Variants in LNX1 observed in about 807,000 individuals in gnomAD.
LNX1 encodes the protein E3 ubiquitin-protein ligase LNX.
LNX1 carries 54 observed loss-of-function variants against 68.4 expected under a neutral mutation model. That is an observed-to-expected ratio of 0.79 (90% confidence interval 0.63 to 0.99). The LOEUF (loss-of-function observed/expected upper bound fraction) is 0.99, where lower values mean the gene tolerates loss of function less well. Ranked by LOEUF, LNX1 falls within the 50% of genes least tolerant of loss-of-function variation. The probability of loss-of-function intolerance (pLI) is 0.00; values close to 1 mark genes in which losing one functional copy is unlikely to be tolerated. For synonymous variants in LNX1, 336 were observed against 350.0 expected, an observed-to-expected ratio of 0.96 and a Z score of 0.45; for missense variants, 906 against 926.4, an observed-to-expected ratio of 0.98 and a Z score of 0.29.
chr4:53,637,677 G>C (rs1293676602), intron 1 of LNX1, among the ~76,000 whole-genome samples: 1 of 151,958 alleles, frequency 6.6e-6, no homozygotes, highest in Non-Finnish European at 1.5e-5. Context: ...AAAGAAAACA[G>C]AATACTGCCA....
At chr4:53,507,628 A>T (rs1269658036) in intron 3 of LNX1, among the ~76,000 whole-genome samples, 159 bp from the exon 4 acceptor site, 1 of 152,214 alleles carries the variant, frequency 6.6e-6, no homozygotes, top group Non-Finnish European at 1.5e-5. Context: ...AGTTTTCTAC[A>T]GTGAAATATG....
intron 1 of LNX1, among the ~76,000 whole-genome samples, chr4:53,639,798 G>A (rs1734609422): frequency 6.6e-6 from 1 of 152,194 alleles, no homozygotes; most frequent in Admixed American, 6.5e-5. Context: ...TTGGGAGGCC[G>A]AGGCGGGTGG....
intron 2 of LNX1, among the ~76,000 whole-genome samples, chr4:53,541,500 A>C (rs1728763890): frequency 6.6e-6 from 1 of 152,202 alleles, no homozygotes; most frequent in Non-Finnish European, 1.5e-5. Flanking sequence ...AAAGAGACTT[A>C]GAGTTCATGA....
At chr4:53,500,651 TA>T in intron 4 of LNX1, 1 of 152,238 alleles carries the variant, frequency 6.6e-6, no homozygotes, top group Non-Finnish European at 1.5e-5. Context: ...CGAGATGTTG[TA>T]AATGTGGGTC....
At chr4:53,591,313 C>G (rs1003915840) in intron 1 of LNX1, 75 bp downstream of exon 1, 1 of 894,846 alleles carries the variant, frequency 1.1e-6, no homozygotes, top group African/African-American at 1.8e-5. Context: ...TTTTTTCATT[C>G]AAATTCCGTG....
intron 9 of LNX1, among the ~76,000 whole-genome samples, chr4:53,470,286 A>C (rs954867159): frequency 7.2e-5 from 11 of 152,278 alleles, no homozygotes; most frequent in African/African-American, 2.2e-4. Context: ...GACAAAATTC[A>C]ACAACCTTCA....
intron 9 of LNX1, among the ~76,000 whole-genome samples, chr4:53,465,485 T>C (rs1722608620): frequency 6.6e-6 from 1 of 152,182 alleles, no homozygotes; most frequent in African/African-American, 2.4e-5. Flanking sequence ...GGAGGCACTG[T>C]ATTAAGTTAC....
chr4:53,529,483 G>A (rs1489677504), intron 2 of LNX1, among the ~76,000 whole-genome samples: 2 of 152,176 alleles, frequency 1.3e-5, no homozygotes, highest in African/African-American at 2.4e-5. Context: ...ATAAGACTGC[G>A]ATGCCTTGGA....
chr4:53,529,692 C>T (rs1187020432), intron 2 of LNX1, among the ~76,000 whole-genome samples: 2 of 152,166 alleles, frequency 1.3e-5, no homozygotes, highest in East Asian at 3.9e-4. Flanking sequence ...AGGAGGTGTA[C>T]AAGCTACCAC....
intron 1 of LNX1, among the ~76,000 whole-genome samples, chr4:53,590,491 G>C (rs962276818): frequency 1.0e-4 from 13 of 123,848 alleles, no homozygotes; most frequent in Admixed American, 1.0e-3. Flanking sequence ...ATTGGCTAAA[G>C]AGTTTGACTA....
chr4:53,604,447 G>C (rs576360935), intron 2 of LNX1, among the ~76,000 whole-genome samples: 2 of 152,218 alleles, frequency 1.3e-5, no homozygotes, highest in Non-Finnish European at 2.9e-5. Context: ...ATAAAAAGCA[G>C]AACTGGCAGA....
chr4:53,649,515 A>G (rs1015563450), intron 1 of LNX1, among the ~76,000 whole-genome samples: 1 of 152,194 alleles, frequency 6.6e-6, no homozygotes. Flanking sequence ...ATCCAGCACC[A>G]CTGGCTCATC....
intron 2 of LNX1, chr4:53,524,288 C>A (rs1316196613): frequency 6.6e-6 from 1 of 152,064 alleles, no homozygotes; most frequent in Non-Finnish European, 1.5e-5. Context: ...ATGGAGGTTT[C>A]CTGTCCTAGA....
In LNX1 at chr4:53,507,397, C is replaced by T. The variant is rs746770361; in HGVS notation, c.695G>A (p.Arg232Gln). 10 of 1,614,106 alleles carry T rather than the reference C, an allele frequency of 6.2e-6. No homozygotes were observed. The Middle Eastern group carries it at 6.6e-4, about 107-fold the overall frequency. Residue 232 changes from arginine to glutamine, a missense_variant, in exon 4 of 11, where the codon CGA becomes CAA. Physicochemically the swap from Arg to Gln is conservative, Grantham distance 43. Coordinates refer to ENST00000263925, the MANE Select transcript of LNX1 (RefSeq NM_001126328.3). ...KKINRALSVLRRTKSGSAVAN... is the reference protein window; with the variant it reads ...KKINRALSVLQRTKSGSAVAN... ...AACTGCACTCCCGCTCTTTGTCCTTCGAAGAACACTCAAAGCTCGATTTAT... is the reference window on the plus strand; with the variant it reads ...AACTGCACTCCCGCTCTTTGTCCTTTGAAGAACACTCAAAGCTCGATTTAT...
At chr4:53,605,090 T>C (rs970042801) in intron 2 of LNX1, among the ~76,000 whole-genome samples, 2 of 152,094 alleles carry the variant, frequency 1.3e-5, no homozygotes, top group African/African-American at 2.4e-5. Context: ...ATAGCACCAC[T>C]TCTCCCATGT....
At chr4:53,505,891 G>A (rs374936447) in intron 4 of LNX1, among the ~76,000 whole-genome samples, 8 of 152,272 alleles carry the variant, frequency 5.3e-5, no homozygotes, top group East Asian at 1.9e-4. Flanking sequence ...GAGTGGGAGC[G>A]CAGGCTGGAT....
rs768858390 is a variant in LNX1, at chr4:53,461,607, T to C, written c.1893-14A>G. The stretch of plus-strand genomic sequence containing the variant: ...TTATACAAGCACCTGAAATAGAATG[T>C]AATCAGTGTACATGCATATTTAAGT... On this transcript the variant is annotated splice_polypyrimidine_tract_variant and intron_variant, in intron 9 of 10. Transcript: ENST00000263925. The C allele has an allele frequency of 2.5e-6, 4 of 1,598,722 alleles. No individual in the cohort carries two copies. The South Asian group carries it at 3.3e-5, about 13-fold the overall frequency.
intron 2 of LNX1, among the ~76,000 whole-genome samples, chr4:53,564,799 A>C (rs1730535197): frequency 6.6e-6 from 1 of 152,216 alleles, no homozygotes; most frequent in Non-Finnish European, 1.5e-5. Context: ...ACCCTGCGCC[A>C]GCCGAAGCAG....
chr4:53,585,272 C>G (rs1301599400), intron 1 of LNX1, among the ~76,000 whole-genome samples: 1 of 152,180 alleles, frequency 6.6e-6, no homozygotes, highest in East Asian at 1.9e-4. Context: ...ACACTTACTA[C>G]TGTGGCATGA....
Sources: allele counts gnomAD v4.1 joint callset (sites outside exome capture counted in the v4.1 genomes callset), GRCh38; gene constraint gnomAD v4.1.1; transcripts MANE v1.5; gene names NCBI Gene and HGNC (gene_info 2026-07-23, HGNC 2026-07-21).